The following ZNF646 variants were observed in gnomAD, a reference collection of about 807,000 sequenced individuals.
The protein encoded by ZNF646 is zinc finger protein 646.
A neutral mutation model predicts 115.4 loss-of-function variants in ZNF646; 49 were observed. The observed-to-expected ratio is 0.42, with a 90% CI of 0.34 to 0.54. ZNF646 has a LOEUF of 0.54. ZNF646 is among the 20% of genes least tolerant of loss of function. ZNF646 has a pLI of 0.04. For synonymous variants in ZNF646, 933 were observed against 939.0 expected, an observed-to-expected ratio of 0.99 and a Z score of 0.12; for missense variants, 2,269 against 2,457.9, an observed-to-expected ratio of 0.92 and a Z score of 1.62.
rs1465832074 is a variant in ZNF646, at chr16:31,081,578, C to T, written c.5254C>T (p.Arg1752Trp). The T allele has an allele frequency of 8.7e-6, 14 of 1,613,078 alleles. No individual in the cohort carries two copies. The highest frequency in any genetic ancestry group is 2.7e-5 in the African/African-American group (2 of 74,936). The change falls in exon 2 of 3, where the codon CGG becomes TGG. Residue 1752 changes from arginine (R) to tryptophan (W), a missense_variant. Arg to Trp is a moderately radical substitution (Grantham distance 101). Transcript: ENST00000300850. Reference sequence around the variant, plus strand: ...AGCTGCCCGGCTGGAGGGCCACGGGCGGGTCCATGCACCCCGGGAGGGGCC... The same window carrying T: ...AGCTGCCCGGCTGGAGGGCCACGGGTGGGTCCATGCACCCCGGGAGGGGCC... ...RTAARLEGHG[R>W]VHAPREGPFT...
At chr16:31,075,060 C>G (rs1352363751) in intron 1 of ZNF646, among the ~76,000 whole-genome samples, 1 of 152,120 alleles carries the variant, frequency 6.6e-6, no homozygotes, top group Admixed American at 6.5e-5. Context: ...ATATAGTTAG[C>G]ACAGTGCCTG....
chr16:31,076,559 A>C lies in ZNF646; in HGVS notation c.235A>C (p.Thr79Pro). The change falls in exon 2 of 3, where the codon ACC becomes CCC. Residue 79 changes from threonine (T) to proline (P), a missense_variant. By Grantham distance (38) the Thr-to-Pro change is conservative. This residue lies in a region of ZNF646 where 334 missense variants were observed against 323.5 expected (regional missense o/e 1.03). Coordinates refer to ENST00000300850, the MANE Select transcript of ZNF646 (RefSeq NM_014699.4). The stretch of plus-strand genomic sequence containing the variant: ...CGAGACTGGCCTTTTCCCCTGTACC[A>C]CCTGTGGCAAGGACTTCTCCAATCC... ...THETGLFPCT[T>P]CGKDFSNPMA... is the part of the protein sequence containing the mutation. 6.2e-7 allele frequency: 1 copy of C among 1,611,130 alleles called. No homozygotes were observed. Among genetic ancestry groups the C allele is most frequent in the Non-Finnish European group, 8.5e-7 (1 of 1,178,454 alleles).
In ZNF646 at chr16:31,078,227, C is replaced by T; in HGVS notation, c.1903C>T (p.His635Tyr). 1 of 1,614,074 alleles carries T rather than the reference C, an allele frequency of 6.2e-7. No homozygotes were observed. The highest frequency in any genetic ancestry group is 8.5e-7 in the Non-Finnish European group (1 of 1,180,044). ...SYRHSGSLIN[H>Y]RQTHQTGDFS... The stretch of plus-strand genomic sequence containing the variant: ...TCGCCACTCAGGCAGCCTTATCAAC[C>T]ACAGGCAGACCCACCAGACAGGAGA... The change falls in exon 2 of 3, where the codon CAC becomes TAC. Residue 635 changes from histidine (H) to tyrosine (Y), a missense_variant. By Grantham distance (83) the His-to-Tyr change is moderately conservative. Transcript: ENST00000300850.
rs1229546254 is a variant in ZNF646, at chr16:31,081,706, G to C, written c.5377+5G>C. Reference sequence around the variant, plus strand: ...AGTGGACGGTGGCCGGCTCCGGTAGGGGGCATGAAGGGTCCCAGGAGGAGG... The same window carrying C: ...AGTGGACGGTGGCCGGCTCCGGTAGCGGGCATGAAGGGTCCCAGGAGGAGG... On this transcript the variant is annotated splice_donor_5th_base_variant and intron_variant, in intron 2 of 2. Transcript: ENST00000300850. 1 of 1,569,682 alleles carries C rather than the reference G, an allele frequency of 6.4e-7. No homozygotes were observed. Among genetic ancestry groups the C allele is most frequent in the South Asian group, 1.2e-5 (1 of 83,896 alleles).
intron 2 of ZNF646, chr16:31,082,049 C>T: frequency 2.4e-6 from 1 of 421,718 alleles, no homozygotes; most frequent in Non-Finnish European, 4.3e-6. Flanking sequence ...TGGAAACCCT[C>T]CTGAGTCAGC....
chr16:31,083,619 C>A lies in ZNF646; in HGVS notation c.*527C>A. 1 of 1,502,516 alleles carries A rather than the reference C, an allele frequency of 6.7e-7. No individual in the cohort carries two copies. The highest frequency in any genetic ancestry group is 8.9e-7 in the Non-Finnish European group (1 of 1,120,850). 93.1% of individuals were successfully genotyped at this position (1,502,516 alleles called of 1,614,324 possible). On this transcript the variant is annotated 3_prime_UTR_variant, in exon 3 of 3. Coordinates refer to ENST00000300850, the MANE Select transcript of ZNF646 (RefSeq NM_014699.4). ...AGTGTCCACAGACACCCCTGTCCTG[C>A]AGGGTGGGGAGTGGGCACCTGTGGC...
intron 2 of ZNF646, 194 bp from the exon 3 acceptor site, chr16:31,082,777 T>C: frequency 3.1e-6 from 2 of 643,236 alleles, no homozygotes; most frequent in Non-Finnish European, 5.2e-6. Context: ...ATAGAAGATT[T>C]CTCATGACCT....
chr16:31,080,407 C>T lies in ZNF646; in HGVS notation c.4083C>T (p.Arg1361=). 4.3e-6 allele frequency: 7 copies of T among 1,613,146 alleles called. No individual in the cohort carries two copies. The highest frequency in any genetic ancestry group is 5.9e-6 in the Non-Finnish European group (7 of 1,179,878). ...NRRRRAGRSR[R]TAVRCALCGR... is the part of the protein sequence containing the mutation. ...GGCGACGGGCTGGACGGTCCAGGCGCACAGCTGTGCGTTGCGCCCTCTGTG... is the reference window on the plus strand; with the variant it reads ...GGCGACGGGCTGGACGGTCCAGGCGTACAGCTGTGCGTTGCGCCCTCTGTG... Residue 1361 remains arginine, a synonymous_variant, in exon 2 of 3, where the codon CGC becomes CGT. Coordinates refer to ENST00000300850, the MANE Select transcript of ZNF646 (RefSeq NM_014699.4).
rs1323945147 is a variant in ZNF646 at position 31,077,476 on chromosome 16, C to T, written c.1152C>T (p.Arg384=). Residue 384 remains arginine, a synonymous_variant, in exon 2 of 3, where the codon CGC becomes CGT. Transcript: ENST00000300850. ...GTGGGGACTGTGGCCGTACTTACCG[C>T]CATGCTGGGAGCCTCATCAACCATC... ...FRCGDCGRTY[R]HAGSLINHRK... The T allele has an allele frequency of 1.2e-6, 2 of 1,613,312 alleles. No individual in the cohort carries two copies. The highest frequency in any genetic ancestry group is 1.7e-6 in the Non-Finnish European group (2 of 1,179,946).
chr16:31,075,121 A>G (rs541069849), intron 1 of ZNF646, among the ~76,000 whole-genome samples: 63 of 152,262 alleles, frequency 4.1e-4, no homozygotes, highest in Non-Finnish European at 7.4e-4. Context: ...ATCAGTATTA[A>G]GAGAGGAGGC....
chr16:31,078,461 G>A lies in ZNF646; in HGVS notation c.2137G>A (p.Gly713Arg). 3 of 1,589,992 alleles carry A rather than the reference G, an allele frequency of 1.9e-6. No individual in the cohort carries two copies. The highest frequency in any genetic ancestry group is 2.6e-6 in the Non-Finnish European group (3 of 1,165,640). The change falls in exon 2 of 3, where the codon GGG becomes AGG. Residue 713 changes from glycine (G) to arginine (R), a missense_variant. By Grantham distance (125) the Gly-to-Arg change is moderately radical. Around this residue, in one of 5 missense-constraint regions of ZNF646, gnomAD observed 852 missense variants for 900.2 expected, o/e 0.95. Transcript: ENST00000300850. ...CCTGGAGTCTCCCCAAGACCCTTCA[G>A]GGGAAAGTCCTCATGGGGCTGAAGG... ...EGLESPQDPS[G>R]ESPHGAEGNL... is the part of the protein sequence containing the mutation.
At position 31,083,464 on chromosome 16, in the gene ZNF646, T is replaced by G. The variant is rs2057191842; in HGVS notation, c.*372T>G. The G allele has an allele frequency of 2.3e-6, 3 of 1,312,204 alleles. No homozygotes were observed. The highest frequency in any genetic ancestry group is 3.8e-5 in the Admixed American group (1 of 26,604). 81.3% of individuals were successfully genotyped at this position (1,312,204 alleles called of 1,614,324 possible). ...TATTTTGTAACAATTTATTTAAGTT[T>G]AAAAAAAGGAAAACTGCTGCCCCCC... On this transcript the variant is annotated 3_prime_UTR_variant, in exon 3 of 3. Coordinates refer to ENST00000300850, the MANE Select transcript of ZNF646 (RefSeq NM_014699.4).
At chr16:31,074,266 TGTGACCTACGTG>T (rs1236947231), upstream of ZNF646, 2 of 152,362 alleles carry the variant, frequency 1.3e-5, no homozygotes, top group Non-Finnish European at 2.9e-5. Flanking sequence ...GACGCCGCGT[TGTGACCTACGTG>T]GGCGGAGTCA....
intron 1 of ZNF646, 92 bp from the exon 2 acceptor site, chr16:31,076,154 C>T (rs2057072796): frequency 2.4e-6 from 2 of 825,922 alleles, no homozygotes; most frequent in South Asian, 4.6e-5. Flanking sequence ...CTTGGGGAAC[C>T]TCTCAGTGAC....
Position 31,077,976 on chromosome 16 carries a change from A to G in ZNF646, c.1652A>G (p.Asp551Gly), listed in dbSNP as rs773013837. The G allele has an allele frequency of 2.5e-6, 4 of 1,613,856 alleles. No homozygotes were observed. Among genetic ancestry groups the G allele is most frequent in the Non-Finnish European group, 3.4e-6 (4 of 1,180,060 alleles). Residue 551 changes from aspartate (D) to glycine (G), a missense_variant, in exon 2 of 3, where the codon GAT becomes GGT. Around this residue, in one of 5 missense-constraint regions of ZNF646, gnomAD observed 852 missense variants for 900.2 expected, o/e 0.95. Coordinates refer to ENST00000300850, the MANE Select transcript of ZNF646 (RefSeq NM_014699.4). ...GAGGCAGAGGCAGCCCCGCACACAG[A>G]TCAGGACCATGTGTGCAAACATGAA... ...PVEAEAAPHT[D>G]QDHVCKHEEE... is the part of the protein sequence containing the mutation.
Position 31,083,039 on chromosome 16 carries a change from C to T in ZNF646, c.5446C>T (p.Pro1816Ser), listed in dbSNP as rs1817958175. ...PLPPPPTPTT[P>S]LLDPSPQWPA... is the part of the protein sequence containing the mutation. Reference sequence around the variant, plus strand: ...GCCCCCTCCACCCACCCCCACGACCCCACTCCTGGATCCTTCACCCCAGTG... The same window carrying T: ...GCCCCCTCCACCCACCCCCACGACCTCACTCCTGGATCCTTCACCCCAGTG... Residue 1816 changes from proline (P) to serine (S), a missense_variant, in exon 3 of 3, where the codon CCA becomes TCA. Physicochemically the swap from Pro to Ser is moderately conservative, Grantham distance 74. This residue lies in a region of ZNF646 where 1,062 missense variants were observed against 1,172.8 expected (regional missense o/e 0.91). Coordinates refer to ENST00000300850, the MANE Select transcript of ZNF646 (RefSeq NM_014699.4). 2 of 1,600,732 alleles carry T rather than the reference C, an allele frequency of 1.2e-6. No homozygotes were observed. The highest frequency in any genetic ancestry group is 8.5e-7 in the Non-Finnish European group (1 of 1,175,542).
rs1488719179 is a variant in ZNF646 at position 31,076,762 on chromosome 16, G to C, written c.438G>C (p.Glu146Asp). Residue 146 changes from glutamate to aspartate, a missense_variant, in exon 2 of 3, where the codon GAG becomes GAC. Physicochemically the swap from Glu to Asp is conservative, Grantham distance 45. Coordinates refer to ENST00000300850, the MANE Select transcript of ZNF646 (RefSeq NM_014699.4). ...GWENQTKHTEETPDCESVPDP... is the reference protein window; with the variant it reads ...GWENQTKHTEDTPDCESVPDP... ...AAAACCAGACAAAACATACAGAAGA[G>C]ACACCTGACTGTGAATCTGTACCTG... 1 of 1,613,856 alleles carries C rather than the reference G, an allele frequency of 6.2e-7. No homozygotes were observed. Among genetic ancestry groups the C allele is most frequent in the Non-Finnish European group, 8.5e-7 (1 of 1,180,034 alleles).
chr16:31,080,817 G>C lies in ZNF646; in HGVS notation c.4493G>C (p.Cys1498Ser). 6.2e-7 allele frequency: 1 copy of C among 1,614,134 alleles called. No homozygotes were observed. The highest frequency in any genetic ancestry group is 1.1e-5 in the South Asian group (1 of 91,086). The change falls in exon 2 of 3, where the codon TGC (cysteine) becomes TCC (serine). Residue 1498 changes from cysteine to serine, a missense_variant. Physicochemically the swap from Cys to Ser is moderately radical, Grantham distance 112. Transcript: ENST00000300850. ...GAGGACAGTGTCCACAGGAGTCCTT[G>C]CCACGCTGGTGACTGCCAGCTCAAT... The part of the protein sequence containing the change: ...EPEDSVHRSP[C>S]HAGDCQLNGP...
rs768217323 is a variant in ZNF646 at position 31,077,739 on chromosome 16, G to A, written c.1415G>A (p.Arg472His). 11 of 1,613,916 alleles carry A rather than the reference G, an allele frequency of 6.8e-6. No individual in the cohort carries two copies. In the Admixed American group the frequency reaches 8.3e-5, roughly 12 times the overall value. The change falls in exon 2 of 3, where the codon CGT becomes CAT. Residue 472 changes from arginine to histidine, a missense_variant. This residue lies in a region of ZNF646 where 852 missense variants were observed against 900.2 expected (regional missense o/e 0.95). Coordinates refer to ENST00000300850, the MANE Select transcript of ZNF646 (RefSeq NM_014699.4). Reference sequence around the variant, plus strand: ...CCCTATAAGTGCAGTGAGTGTGGTCGTGCTTACCGCCACCGGGGGAGCCTG... The same window carrying A: ...CCCTATAAGTGCAGTGAGTGTGGTCATGCTTACCGCCACCGGGGGAGCCTG... ...HRPYKCSECG[R>H]AYRHRGSLVN... is the part of the protein sequence containing the mutation.
Sources: allele counts gnomAD v4.1 joint callset (sites outside exome capture counted in the v4.1 genomes callset), GRCh38; gene constraint gnomAD v4.1.1; regional missense constraint gnomAD v4.1.1; transcripts MANE v1.5; gene names NCBI Gene and HGNC (gene_info 2026-07-23, HGNC 2026-07-21).